Variants in AFG2A observed in about 807,000 individuals in gnomAD.
The protein encoded by AFG2A is ATPase family gene 2 protein homolog A.
the AFG2A span, among the ~76,000 whole-genome samples, chr4:123,069,435 T>C: frequency 2.6e-5 from 4 of 152,194 alleles, no homozygotes; most frequent in African/African-American, 9.6e-5. Flanking sequence ...AAATGCTGTA[T>C]AGAATCCTGT....
chr4:123,196,178 T>TG, the AFG2A span, among the ~76,000 whole-genome samples: 2 of 142,296 alleles, frequency 1.4e-5, no homozygotes, highest in African/African-American at 2.5e-5. Context: ...TTTTTTTTTT[T>TG]TTTTTTTTTT....
chr4:123,231,284 G>A, the AFG2A span, among the ~76,000 whole-genome samples: 2 of 151,956 alleles, frequency 1.3e-5, no homozygotes, highest in African/African-American at 4.8e-5. Flanking sequence ...TAAATAACTT[G>A]CTGCAATTTC....
chr4:123,242,585 T>C, the AFG2A span, among the ~76,000 whole-genome samples: 1,227 of 152,268 alleles, frequency 8.1e-3, 7 homozygotes, highest in Non-Finnish European at 0.012. Flanking sequence ...TTACACCTTA[T>C]ACAAAAATTA....
At chr4:123,125,981 A>G in the AFG2A span, among the ~76,000 whole-genome samples, 1 of 152,082 alleles carries the variant, frequency 6.6e-6, no homozygotes, top group Admixed American at 6.5e-5. Flanking sequence ...ATTCTTCCTA[A>G]AGGAGTGATA....
At chr4:123,265,953 C>A in the AFG2A span, among the ~76,000 whole-genome samples, 47 of 152,072 alleles carry the variant, frequency 3.1e-4, no homozygotes, top group African/African-American at 1.1e-3. Context: ...GCTTCCTCAT[C>A]TTCAGAAGAG....
chr4:123,259,110 G>A, the AFG2A span, among the ~76,000 whole-genome samples: 8 of 152,108 alleles, frequency 5.3e-5, 1 homozygote, highest in East Asian at 3.9e-4. Flanking sequence ...CAGGTGATCC[G>A]CCCACCTTGG....
chr4:123,057,125 TC>T, the AFG2A span: 1 of 1,436,016 alleles, frequency 7.0e-7, no homozygotes. Context: ...TAGGTTTGGT[TC>T]TAAATATAGT....
At chr4:123,138,957 C>T in the AFG2A span, among the ~76,000 whole-genome samples, 1 of 151,866 alleles carries the variant, frequency 6.6e-6, no homozygotes, top group Non-Finnish European at 1.5e-5. Context: ...AGACTCAAAC[C>T]TTACCAGTGA....
chr4:123,033,120 A>G, the AFG2A span, among the ~76,000 whole-genome samples: 3 of 152,246 alleles, frequency 2.0e-5, no homozygotes, highest in Non-Finnish European at 2.9e-5. Context: ...TTCCAAATTC[A>G]TCTTTAGGCT....
the AFG2A span, among the ~76,000 whole-genome samples, chr4:123,181,537 C>T: frequency 6.6e-6 from 1 of 152,096 alleles, no homozygotes; most frequent in Non-Finnish European, 1.5e-5. Context: ...TGCTTGAGCC[C>T]ATGGGATCAA....
At chr4:123,082,419 T>C in the AFG2A span, among the ~76,000 whole-genome samples, 1 of 152,276 alleles carries the variant, frequency 6.6e-6, no homozygotes, top group African/African-American at 2.4e-5. Context: ...TTTGCTACTA[T>C]GCCAAAGATT....
At chr4:123,025,553 CTT>C in the AFG2A span, among the ~76,000 whole-genome samples, 10 of 151,032 alleles carry the variant, frequency 6.6e-5, no homozygotes, top group Middle Eastern at 0.01. Context: ...ATAACTTGAA[CTT>C]TTTTTTTTTA....
chr4:123,236,030 G>C, the AFG2A span, among the ~76,000 whole-genome samples: 1 of 152,154 alleles, frequency 6.6e-6, no homozygotes, highest in African/African-American at 2.4e-5. Context: ...ATAATGGGTT[G>C]ATATGACCCA....
chr4:122,944,430 G>T, the AFG2A span, among the ~76,000 whole-genome samples: 9 of 152,146 alleles, frequency 5.9e-5, no homozygotes, highest in South Asian at 1.9e-3. Context: ...GATCGCATCG[G>T]CTCCTGAGGC....
At chr4:123,082,333 A>ATT in the AFG2A span, among the ~76,000 whole-genome samples, 1 of 151,606 alleles carries the variant, frequency 6.6e-6, no homozygotes, top group Non-Finnish European at 1.5e-5. Flanking sequence ...GTCTAGATTC[A>ATT]TTTTTTTTGC....
the AFG2A span, among the ~76,000 whole-genome samples, chr4:123,189,453 T>C: frequency 2.0e-5 from 3 of 152,268 alleles, no homozygotes; most frequent in East Asian, 5.8e-4. Flanking sequence ...TTTTTTCTTT[T>C]CTTTTTTTTA....
the AFG2A span, among the ~76,000 whole-genome samples, chr4:123,089,158 A>G: frequency 1.3e-5 from 2 of 152,242 alleles, no homozygotes; most frequent in Non-Finnish European, 1.5e-5. Flanking sequence ...GTTAGAGGCT[A>G]TTCTCCTGTG....
the AFG2A span, among the ~76,000 whole-genome samples, chr4:123,130,297 G>C: frequency 6.6e-6 from 1 of 152,196 alleles, no homozygotes; most frequent in Non-Finnish European, 1.5e-5. Context: ...GATGACAGGC[G>C]TGAGACACGA....
the AFG2A span, among the ~76,000 whole-genome samples, chr4:123,033,516 A>G: frequency 1.3e-5 from 2 of 152,192 alleles, no homozygotes; most frequent in African/African-American, 4.8e-5. Flanking sequence ...GACAAAGAAA[A>G]CAGAAAAATA....
Sources: allele counts gnomAD v4.1 joint callset (sites outside exome capture counted in the v4.1 genomes callset), GRCh38; gene constraint gnomAD v4.1.1; transcripts MANE v1.5; gene names NCBI Gene and HGNC (gene_info 2026-07-23, HGNC 2026-07-21).